EGLN1: variants seen among roughly 807,000 people sequenced by gnomAD.
EGLN1 encodes the protein egl-9 family hypoxia inducible factor 1, also known as egl nine homolog 1.
Under a neutral mutation model 38.3 loss-of-function variants are expected in EGLN1, and 17 were observed. The ratio of observed to expected loss-of-function variants is 0.44; its 90% confidence interval spans 0.30 to 0.67. EGLN1 has a LOEUF of 0.67. Ranked by LOEUF, EGLN1 falls within the 30% of genes least tolerant of loss-of-function variation. EGLN1 has a pLI of 0.08. For missense variants in EGLN1, 477 were observed against 603.3 expected (o/e 0.79, Z 2.19); for synonymous variants, 283 against 257.5 (o/e 1.10, Z -0.95).
At chr1:231,404,712 T>C (rs771503398) in intron 1 of EGLN1, among the ~76,000 whole-genome samples, 1 of 152,176 alleles carries the variant, frequency 6.6e-6, no homozygotes, top group African/African-American at 2.4e-5. Context: ...TTAAAATTAA[T>C]TAACATCTAA....
intron 1 of EGLN1, among the ~76,000 whole-genome samples, chr1:231,402,694 C>T (rs1394731224): frequency 1.3e-5 from 2 of 152,076 alleles, no homozygotes; most frequent in Non-Finnish European, 2.9e-5. Flanking sequence ...CTCGGCCTCC[C>T]AAAGTTCTGG....
intron 1 of EGLN1, among the ~76,000 whole-genome samples, chr1:231,419,954 A>C (rs1656512575): frequency 6.6e-6 from 1 of 152,202 alleles, no homozygotes; most frequent in Non-Finnish European, 1.5e-5. Context: ...CAAAACCCAC[A>C]AAATCAGAGA....
intron 1 of EGLN1, among the ~76,000 whole-genome samples, chr1:231,399,180 A>G (rs755490417): frequency 1.3e-5 from 2 of 152,240 alleles, no homozygotes; most frequent in Non-Finnish European, 2.9e-5. Flanking sequence ...TAGAAAAGAC[A>G]GCAGGAGCAG....
chr1:231,372,750 T>C (rs1687859794), intron 2 of EGLN1, among the ~76,000 whole-genome samples: 2 of 152,198 alleles, frequency 1.3e-5, no homozygotes, highest in Admixed American at 1.3e-4. Flanking sequence ...TTTAAATCAG[T>C]GTGTTTTAGA....
In EGLN1 at chr1:231,375,516, C is replaced by T. The variant is rs1212317879; in HGVS notation, c.892-1417G>A. 2.0e-5 allele frequency among the ~76,000 whole-genome samples: 3 copies of T among 152,190 alleles called. No individual in the cohort carries two copies. The East Asian group carries it at 5.8e-4, about 29-fold the overall frequency. Reference sequence around the variant, plus strand: ...TTCCCATCCCTAAGAAACTAAGAGGCATCTTAAACCTAAATCCTTATTTAA... The same window carrying T: ...TTCCCATCCCTAAGAAACTAAGAGGTATCTTAAACCTAAATCCTTATTTAA... On this transcript the variant is annotated intron_variant, in intron 1 of 4. Transcript: ENST00000366641.
At chr1:231,369,042 A>G (rs1349217722) in intron 3 of EGLN1, among the ~76,000 whole-genome samples, 2 of 152,096 alleles carry the variant, frequency 1.3e-5, no homozygotes, top group African/African-American at 4.8e-5. Flanking sequence ...TCAACAACTT[A>G]CCTTATGTCA....
chr1:231,401,494 C>T (rs1402689108), intron 1 of EGLN1, among the ~76,000 whole-genome samples: 2 of 152,136 alleles, frequency 1.3e-5, no homozygotes, highest in Non-Finnish European at 2.9e-5. Flanking sequence ...TACAGAGATA[C>T]ATCTTTAAGA....
intron 1 of EGLN1, among the ~76,000 whole-genome samples, chr1:231,414,725 T>C (rs1407862630): frequency 7.0e-6 from 1 of 142,918 alleles, no homozygotes; most frequent in Non-Finnish European, 1.5e-5. Context: ...ATACCTGTAA[T>C]CCCAGCACTT....
intron 1 of EGLN1, among the ~76,000 whole-genome samples, chr1:231,404,923 C>T (rs1195649958): frequency 2.6e-5 from 4 of 152,138 alleles, no homozygotes; most frequent in African/African-American, 4.8e-5. Flanking sequence ...CCCTTATCAA[C>T]TGAACACTAT....
intron 1 of EGLN1, among the ~76,000 whole-genome samples, chr1:231,387,580 C>T (rs1688254360): frequency 2.6e-5 from 4 of 151,962 alleles, no homozygotes; most frequent in South Asian, 2.1e-4. Flanking sequence ...AGGATGGTCT[C>T]GATCTCCTGA....
intron 1 of EGLN1, among the ~76,000 whole-genome samples, chr1:231,393,338 G>A (rs962970767): frequency 4.6e-5 from 7 of 152,146 alleles, no homozygotes; most frequent in Non-Finnish European, 8.8e-5. Context: ...TCTATAACAC[G>A]TCAGGTATCA....
intron 2 of EGLN1, 32 bp downstream of exon 2, chr1:231,373,948 G>C (rs756109538): frequency 6.2e-7 from 1 of 1,611,900 alleles, no homozygotes; most frequent in South Asian, 1.1e-5. Flanking sequence ...ACACCTGTAA[G>C]AAAAAAATAA....
At chr1:231,388,614 G>T (rs1688285586) in intron 1 of EGLN1, among the ~76,000 whole-genome samples, 1 of 151,590 alleles carries the variant, frequency 6.6e-6, no homozygotes, top group East Asian at 1.9e-4. Context: ...TGGGATTACA[G>T]GCATGCACCA....
intron 1 of EGLN1, among the ~76,000 whole-genome samples, chr1:231,420,687 T>C (rs544065656): frequency 1.3e-5 from 2 of 152,224 alleles, no homozygotes; most frequent in South Asian, 4.1e-4. Context: ...AAGGTTTGAA[T>C]TGTGACCAAT....
intron 1 of EGLN1, among the ~76,000 whole-genome samples, chr1:231,394,591 G>A (rs1037596333): frequency 3.4e-5 from 5 of 147,612 alleles, no homozygotes; most frequent in Admixed American, 6.8e-5. Flanking sequence ...GGGTTTCACC[G>A]TGTTAGCCAG....
At chr1:231,419,711 T>C (rs1371063314) in intron 1 of EGLN1, among the ~76,000 whole-genome samples, 1 of 152,234 alleles carries the variant, frequency 6.6e-6, no homozygotes, top group Non-Finnish European at 1.5e-5. Flanking sequence ...TGTGCCTTCA[T>C]CCAGCAATGA....
At chr1:231,416,992 ATGTATTTAGGTTT>A (rs1214282214) in intron 1 of EGLN1, among the ~76,000 whole-genome samples, 1 of 152,240 alleles carries the variant, frequency 6.6e-6, no homozygotes, top group Admixed American at 6.5e-5. Flanking sequence ...AGGTGTACTT[ATGTATTTAGGTTT>A]AAATAACATA....
At chr1:231,379,359 T>C (rs770845492) in intron 1 of EGLN1, among the ~76,000 whole-genome samples, 2 of 152,190 alleles carry the variant, frequency 1.3e-5, no homozygotes, top group Non-Finnish European at 1.5e-5. Context: ...TGTGAAACAA[T>C]GTATAATGAA....
chr1:231,411,190 T>C (rs1486269676), intron 1 of EGLN1, among the ~76,000 whole-genome samples: 1 of 152,102 alleles, frequency 6.6e-6, no homozygotes, highest in Non-Finnish European at 1.5e-5. Context: ...ATGGTGACAG[T>C]TTCCCTCATG....
Sources: allele counts gnomAD v4.1 joint callset (sites outside exome capture counted in the v4.1 genomes callset), GRCh38; gene constraint gnomAD v4.1.1; transcripts MANE v1.5; gene names NCBI Gene and HGNC (gene_info 2026-07-23, HGNC 2026-07-21).